OSBPL3: variants seen among roughly 807,000 people sequenced by gnomAD.
The protein encoded by OSBPL3 is oxysterol binding protein like 3.
A neutral mutation model predicts 120.1 loss-of-function variants in OSBPL3; 65 were observed. The ratio of observed to expected loss-of-function variants is 0.54; its 90% confidence interval spans 0.44 to 0.67. The LOEUF (loss-of-function observed/expected upper bound fraction) is 0.67, where lower values mean the gene tolerates loss of function less well. Ranked by LOEUF, OSBPL3 falls within the 30% of genes least tolerant of loss-of-function variation. The pLI, the probability that OSBPL3 is intolerant of heterozygous loss-of-function variation, is 0.00. For missense variants in OSBPL3, 1,004 were observed against 1,082.1 expected, an observed-to-expected ratio of 0.93 and a Z score of 1.01; for synonymous variants, 416 against 402.6, an observed-to-expected ratio of 1.03 and a Z score of -0.40.
At chr7:24,812,292 G>C (rs980988529) in intron 19 of OSBPL3, among the ~76,000 whole-genome samples, 4 of 121,490 alleles carry the variant, frequency 3.3e-5, no homozygotes, top group African/African-American at 1.0e-4. Flanking sequence ...GGGTGAGATT[G>C]AGACTCCATC....
rs1376443695 is a variant in OSBPL3, at chr7:24,955,939, T to C, written c.-150+23947A>G. ...AGATCTTTTTCACTCAAACTAGTTC[T>C]TGGTCCTGCTGAGGAAACCCTATGA... On this transcript the variant is annotated intron_variant, in intron 1 of 22. Coordinates refer to ENST00000313367, the MANE Select transcript of OSBPL3 (RefSeq NM_015550.4). The surrounding 1 kb of genome is among the most constrained non-coding windows in gnomAD (Gnocchi z 4.3). Among the ~76,000 whole-genome samples, 1 of 152,256 alleles carries C rather than the reference T, an allele frequency of 6.6e-6. No individual in the cohort carries two copies. Among genetic ancestry groups the C allele is most frequent in the Non-Finnish European group, 1.5e-5 (1 of 68,040 alleles).
chr7:24,800,453 C>CCT (rs1554336968), intron 22 of OSBPL3, among the ~76,000 whole-genome samples, 174 bp from the exon 23 acceptor site: 14 of 119,528 alleles, frequency 1.2e-4, no homozygotes, highest in African/African-American at 3.7e-4. Context: ...AATTTTGTTA[C>CCT]TTTTTTTTTT....
chr7:24,800,352 A>C, intron 22 of OSBPL3, 73 bp from the exon 23 acceptor site: 1 of 821,100 alleles, frequency 1.2e-6, no homozygotes, highest in Admixed American at 2.0e-5. Flanking sequence ...TTCCTTCCTA[A>C]CCTCCCTGCT....
At chr7:24,950,594 T>C (rs753794522) in intron 1 of OSBPL3, among the ~76,000 whole-genome samples, 23 of 152,030 alleles carry the variant, frequency 1.5e-4, no homozygotes, top group Non-Finnish European at 2.9e-4. Context: ...CGGTGGCGGG[T>C]GCCTGTAGTC....
chr7:24,839,247 G>A (rs1181977022), intron 14 of OSBPL3, among the ~76,000 whole-genome samples: 1 of 152,166 alleles, frequency 6.6e-6, no homozygotes, highest in Non-Finnish European at 1.5e-5. Context: ...GGCAGACTGA[G>A]TACCAAGACT....
Position 24,871,443 on chromosome 7 carries a change from G to A in OSBPL3, c.267+299C>T, listed in dbSNP as rs1247072765. Among the ~76,000 whole-genome samples, 2 of 152,152 alleles carry A rather than the reference G, an allele frequency of 1.3e-5. No homozygotes were observed. Among genetic ancestry groups the A allele is most frequent in the East Asian group, 1.9e-4 (1 of 5,200 alleles). On this transcript the variant is annotated intron_variant, in intron 4 of 22. Coordinates refer to ENST00000313367, the MANE Select transcript of OSBPL3 (RefSeq NM_015550.4). This position sits in a 1 kb window ranked among gnomAD's most constrained non-coding sequence, Gnocchi z 4.8. ...AGTGCAAGAGGGAGGGATGCCCTAT[G>A]TTTTGTTCCTGTTATCTAGCTGCAA... is the stretch of plus-strand genomic sequence containing the variant.
rs1791741389 is a variant in OSBPL3 at position 24,796,544 on chromosome 7, T to A, written c.*3639A>T. On this transcript the variant is annotated 3_prime_UTR_variant, in exon 23 of 23. Transcript: ENST00000313367. This position sits in a 1 kb window ranked among gnomAD's most constrained non-coding sequence, Gnocchi z 5.2. ...AAAACAAAGACAAAAGTGGCCTTTT[T>A]TTCCATGTTATTTATTCACATTCAA... The A allele has an allele frequency of 6.6e-6, 1 of 152,184 alleles. No homozygotes were observed. The highest frequency in any genetic ancestry group is 2.4e-5 in the African/African-American group (1 of 41,438). The allele number at this position is 152,184 out of a possible 1,614,324, so 9.4% of individuals were successfully genotyped here.
Position 24,966,200 on chromosome 7 carries a change from G to A in OSBPL3, c.-150+13686C>T, listed in dbSNP as rs568775109. Among the ~76,000 whole-genome samples the A allele has an allele frequency of 8.5e-5, 13 of 152,328 alleles. No individual in the cohort carries two copies. In the South Asian group the frequency reaches 1.9e-3, roughly 22 times the overall value. On this transcript the variant is annotated intron_variant, in intron 1 of 22. Coordinates refer to ENST00000313367, the MANE Select transcript of OSBPL3 (RefSeq NM_015550.4). This position sits in a 1 kb window ranked among gnomAD's most constrained non-coding sequence, Gnocchi z 4.8. ...TCCCCAGACTGGGAAGTTCTTAGCC[G>A]CGAAGAGAAATCCAGCACCTGCGGA... is the stretch of plus-strand genomic sequence containing the variant.
At chr7:24,869,659 A>G (rs908029823) in intron 5 of OSBPL3, among the ~76,000 whole-genome samples, 17 of 152,216 alleles carry the variant, frequency 1.1e-4, no homozygotes, top group African/African-American at 4.1e-4. Context: ...CCAGCTCACA[A>G]TGTCAATGGT....
chr7:24,870,972 G>A (rs41275973), intron 4 of OSBPL3, 127 bp from the exon 5 acceptor site: 55,267 of 679,976 alleles, frequency 0.081, 2,521 homozygotes, highest in South Asian at 0.12. Flanking sequence ...AGCACTTAGC[G>A]TGAGCCAGTG....
At chr7:24,865,510 C>T in intron 6 of OSBPL3, 45 bp from the exon 7 acceptor site, 1 of 1,597,520 alleles carries the variant, frequency 6.3e-7, no homozygotes, top group Non-Finnish European at 8.5e-7. Context: ...GAAACAGAGC[C>T]CATTGGGGAC....
chr7:24,858,623 T>C (rs1446973557), intron 10 of OSBPL3, among the ~76,000 whole-genome samples: 1 of 152,256 alleles, frequency 6.6e-6, no homozygotes, highest in Non-Finnish European at 1.5e-5. Flanking sequence ...CAGGCAACTG[T>C]TGAATAAGTG....
chr7:24,890,486 G>C (rs932961260), intron 2 of OSBPL3, among the ~76,000 whole-genome samples: 2 of 152,100 alleles, frequency 1.3e-5, no homozygotes, highest in African/African-American at 4.8e-5. Flanking sequence ...ATTGGGTATG[G>C]GGGCCAAGGT....
rs1816139711 is a variant in OSBPL3 at position 24,964,342 on chromosome 7, A to C, written c.-150+15544T>G. Among the ~76,000 whole-genome samples the C allele has an allele frequency of 6.6e-6, 1 of 152,210 alleles. No individual in the cohort carries two copies. On this transcript the variant is annotated intron_variant, in intron 1 of 22. Transcript: ENST00000313367. This position sits in a 1 kb window ranked among gnomAD's most constrained non-coding sequence, Gnocchi z 4.2. Reference sequence around the variant, plus strand: ...AAACACTACCTCAACCAGATGAGCAAGGTCAACATAACCAAAACTATAAAT... The same window carrying C: ...AAACACTACCTCAACCAGATGAGCACGGTCAACATAACCAAAACTATAAAT...
intron 12 of OSBPL3, among the ~76,000 whole-genome samples, chr7:24,842,971 T>C (rs1797966115): frequency 6.6e-6 from 1 of 152,232 alleles, no homozygotes; most frequent in South Asian, 2.1e-4. Flanking sequence ...AAGTTCTCTT[T>C]GTCTGTCTCT....
chr7:24,821,491 C>T lies in OSBPL3; in HGVS notation c.1885-1253G>A, dbSNP rs1795133377. 2.0e-5 allele frequency among the ~76,000 whole-genome samples: 3 copies of T among 152,196 alleles called. No individual in the cohort carries two copies. Among genetic ancestry groups the T allele is most frequent in the Admixed American group, 2.0e-4 (3 of 15,282 alleles). On this transcript the variant is annotated intron_variant, in intron 16 of 22. Transcript: ENST00000313367. This position sits in a 1 kb window ranked among gnomAD's most constrained non-coding sequence, Gnocchi z 5.5. ...AGCTGTTCACCTTCCTTGGGACCCT[C>T]AGCTGAGGAACATGGTTTGAAAACT...
rs1015783531 is a variant in OSBPL3, at chr7:24,946,593, T to G, written c.-150+33293A>C. 1.3e-5 allele frequency among the ~76,000 whole-genome samples: 2 copies of G among 152,238 alleles called. No individual in the cohort carries two copies. The highest frequency in any genetic ancestry group is 4.8e-5 in the African/African-American group (2 of 41,468). ...CTTGTTTTGTTGAATACGCTAAGCT[T>G]AACTGAATTATTAGCCTAACAAGAG... On this transcript the variant is annotated intron_variant, in intron 1 of 22. Transcript: ENST00000313367. This position sits in a 1 kb window ranked among gnomAD's most constrained non-coding sequence, Gnocchi z 4.3.
chr7:24,954,913 TAC>T (rs1814859518), intron 1 of OSBPL3, among the ~76,000 whole-genome samples: 1 of 152,126 alleles, frequency 6.6e-6, no homozygotes, highest in South Asian at 2.1e-4. Context: ...ATGCTGACAG[TAC>T]TAAAGGAATG....
rs555741657 is a variant in OSBPL3 at position 24,947,333 on chromosome 7, T to C, written c.-150+32553A>G. The stretch of plus-strand genomic sequence containing the variant: ...CATAGAAAAAAAGACAGCTAGGAAA[T>C]TCTCTGAATAAAGCTCTTCCAGGTA... On this transcript the variant is annotated intron_variant, in intron 1 of 22. Coordinates refer to ENST00000313367, the MANE Select transcript of OSBPL3 (RefSeq NM_015550.4). The surrounding 1 kb of genome is among the most constrained non-coding windows in gnomAD (Gnocchi z 4.4). Among the ~76,000 whole-genome samples the C allele has an allele frequency of 1.4e-4, 21 of 152,272 alleles. No individual in the cohort carries two copies. The highest frequency in any genetic ancestry group is 5.1e-4 in the African/African-American group (21 of 41,560).
Sources: allele counts gnomAD v4.1 joint callset (sites outside exome capture counted in the v4.1 genomes callset), GRCh38; gene constraint gnomAD v4.1.1; non-coding constraint Gnocchi (gnomAD v3.1); transcripts MANE v1.5; gene names NCBI Gene and HGNC (gene_info 2026-07-23, HGNC 2026-07-21).